The following SNTB2 variants were observed in gnomAD, a reference collection of about 807,000 sequenced individuals.
SNTB2 encodes beta-2-syntrophin.
Under a neutral mutation model 46.2 loss-of-function variants are expected in SNTB2, and 34 were observed. The ratio of observed to expected loss-of-function variants is 0.74; its 90% CI spans 0.56 to 0.98. SNTB2 has a LOEUF of 0.98. Ranked by LOEUF, SNTB2 falls within the 50% of genes least tolerant of loss-of-function variation. The probability of loss-of-function intolerance (pLI) is 0.00; values close to 1 mark genes in which losing one functional copy is unlikely to be tolerated. For synonymous variants in SNTB2, 290 were observed against 312.6 expected (o/e 0.93, Z 0.76); for missense variants, 603 against 731.4 (o/e 0.82, Z 2.02).
At chr16:69,225,403 G>A (rs566066811) in intron 1 of SNTB2, among the ~76,000 whole-genome samples, 11 of 152,230 alleles carry the variant, frequency 7.2e-5, no homozygotes, top group African/African-American at 2.2e-4. Flanking sequence ...TACGGATAAC[G>A]ATTTCCTTGC....
intron 4 of SNTB2, among the ~76,000 whole-genome samples, chr16:69,274,442 A>G (rs1454989581): frequency 6.6e-6 from 1 of 152,080 alleles, no homozygotes; most frequent in African/African-American, 2.4e-5. Flanking sequence ...TCACGAGGTC[A>G]GGAGATTGAG....
At chr16:69,283,252 C>T (rs551236279) in intron 4 of SNTB2, among the ~76,000 whole-genome samples, 5 of 152,298 alleles carry the variant, frequency 3.3e-5, no homozygotes, top group Admixed American at 2.0e-4. Context: ...TGAGTCACTG[C>T]ATGCATCCAG....
chr16:69,282,909 A>G (rs898706157), intron 4 of SNTB2, among the ~76,000 whole-genome samples: 2 of 152,176 alleles, frequency 1.3e-5, no homozygotes, highest in Non-Finnish European at 2.9e-5. Context: ...TGACTTGTAT[A>G]TTAATCTTAT....
In SNTB2 at chr16:69,308,879, C is replaced by T. The variant is rs960310872; in HGVS notation, c.*7955C>T. On this transcript the variant is annotated 3_prime_UTR_variant, in exon 7 of 7. Transcript: ENST00000336278. ...TATTTGTGTTCCTAATTTTAAAAAG[C>T]TTTATGTATACTCTATAAATATAGA... The T allele has an allele frequency of 2.0e-5, 3 of 152,454 alleles. No homozygotes were observed. The highest frequency in any genetic ancestry group is 7.2e-5 in the African/African-American group (3 of 41,426). 9.4% of individuals were successfully genotyped at this position (152,454 alleles called of 1,614,324 possible). A position where few individuals can be genotyped will look rare whatever the true frequency, so the allele number is the denominator to read the frequency against.
rs1447265814 is a variant in SNTB2 at position 69,278,943 on chromosome 16, CAT to C, written c.1149-5103_1149-5102del. ...GTGTGTGTGTGTGTGTTAATAAACT[CAT>C]AACGTGTGCTCGCTTCGGCAGCACA... On this transcript the variant is annotated intron_variant, in intron 4 of 6. Transcript: ENST00000336278. 4.5e-4 allele frequency among the ~76,000 whole-genome samples: 67 copies of C among 148,218 alleles called. 1 individual carries two copies. The highest frequency in any genetic ancestry group is 1.6e-3 in the African/African-American group (62 of 39,516).
At chr16:69,272,904 A>AAG (rs1448862248) in intron 4 of SNTB2, among the ~76,000 whole-genome samples, 1 of 151,750 alleles carries the variant, frequency 6.6e-6, no homozygotes. Context: ...AAAAAAAAAA[A>AAG]AAAAGAAATG....
rs1964007071 is a variant in SNTB2 at position 69,187,701 on chromosome 16, G to C, written c.535G>C (p.Ala179Pro). Reference protein sequence around the residue: ...TDLRQATHDQAVQALKRAGKE... With the variant: ...TDLRQATHDQPVQALKRAGKE... The stretch of plus-strand genomic sequence containing the variant: ...CCTGCGCCAGGCCACCCACGACCAG[G>C]CCGTGCAGGCGCTGAAGCGCGCGGG... Residue 179 changes from alanine to proline, a missense_variant, in exon 1 of 7, where the codon GCC (alanine) becomes CCC (proline). Around this residue, in one of 2 missense-constraint regions of SNTB2, gnomAD observed 537 missense variants for 692.4 expected, o/e 0.78. Transcript: ENST00000336278. 6.5e-7 allele frequency: 1 copy of C among 1,536,556 alleles called. No homozygotes were observed. Among genetic ancestry groups the C allele is most frequent in the Non-Finnish European group, 8.7e-7 (1 of 1,150,912 alleles).
At chr16:69,263,465 C>T (rs974855590) in intron 3 of SNTB2, among the ~76,000 whole-genome samples, 30 of 148,688 alleles carry the variant, frequency 2.0e-4, no homozygotes, top group African/African-American at 5.5e-4. Context: ...GTTGCCCAGG[C>T]TGGGGTGCAA....
chr16:69,202,796 G>C (rs958904307), intron 1 of SNTB2, among the ~76,000 whole-genome samples: 1 of 151,878 alleles, frequency 6.6e-6, no homozygotes, highest in African/African-American at 2.4e-5. Flanking sequence ...GGCTGGTCTC[G>C]ACCTCCTGGC....
At chr16:69,255,627 TC>T (rs2143074514) in intron 2 of SNTB2, among the ~76,000 whole-genome samples, 1 of 151,220 alleles carries the variant, frequency 6.6e-6, no homozygotes, top group South Asian at 2.1e-4. Context: ...ATACCTATAA[TC>T]CCAATACTTT....
chr16:69,268,116 T>C (rs1964903747), intron 3 of SNTB2, among the ~76,000 whole-genome samples: 1 of 152,208 alleles, frequency 6.6e-6, no homozygotes. Context: ...TAGAGATAAC[T>C]GAGCATTATA....
chr16:69,210,528 G>A (rs1964272722), intron 1 of SNTB2, among the ~76,000 whole-genome samples: 1 of 148,372 alleles, frequency 6.7e-6, no homozygotes, highest in Admixed American at 6.7e-5. Context: ...ATGAGCCACC[G>A]CGCCCGGCCA....
At chr16:69,200,878 C>G (rs1330384932) in intron 1 of SNTB2, among the ~76,000 whole-genome samples, 1 of 152,122 alleles carries the variant, frequency 6.6e-6, no homozygotes, top group Non-Finnish European at 1.5e-5. Flanking sequence ...TTACTTTACC[C>G]TCACCTGACT....
At chr16:69,248,522 C>T (rs536986846) in intron 2 of SNTB2, among the ~76,000 whole-genome samples, 6 of 152,234 alleles carry the variant, frequency 3.9e-5, no homozygotes, top group Middle Eastern at 6.8e-3. Context: ...ATCCCAGCTA[C>T]TTGGAAGGCC....
intron 1 of SNTB2, among the ~76,000 whole-genome samples, chr16:69,219,736 T>TTGTTC (rs1280969274): frequency 2.6e-5 from 4 of 151,656 alleles, no homozygotes; most frequent in African/African-American, 9.7e-5. Flanking sequence ...TTGTTTTGTT[T>TTGTTC]TGTTTTGTTT....
At chr16:69,243,426 A>G (rs951346191) in intron 1 of SNTB2, among the ~76,000 whole-genome samples, 2 of 152,208 alleles carry the variant, frequency 1.3e-5, no homozygotes, top group Admixed American at 6.5e-5. Context: ...TAATAAGGCA[A>G]TACATAAATT....
intron 3 of SNTB2, among the ~76,000 whole-genome samples, chr16:69,269,030 G>A (rs1032823033): frequency 6.6e-6 from 1 of 151,676 alleles, no homozygotes; most frequent in Non-Finnish European, 1.5e-5. Context: ...TTAACTGGGT[G>A]TGGTGGCACA....
At chr16:69,262,306 T>C (rs993051181) in intron 3 of SNTB2, among the ~76,000 whole-genome samples, 1 of 152,014 alleles carries the variant, frequency 6.6e-6, no homozygotes, top group African/African-American at 2.4e-5. Flanking sequence ...ATTTCTTTTT[T>C]GTTGCTTTTT....
intron 1 of SNTB2, among the ~76,000 whole-genome samples, chr16:69,215,059 T>TC (rs150444963): frequency 1.4e-4 from 21 of 152,110 alleles, no homozygotes; most frequent in Non-Finnish European, 2.9e-4. Context: ...GCCAGGCTGT[T>TC]CCCGAACTCC....
Sources: allele counts gnomAD v4.1 joint callset (sites outside exome capture counted in the v4.1 genomes callset), GRCh38; gene constraint gnomAD v4.1.1; regional missense constraint gnomAD v4.1.1; transcripts MANE v1.5; gene names NCBI Gene and HGNC (gene_info 2026-07-23, HGNC 2026-07-21).